Variants in STXBP5 observed in about 807,000 individuals in gnomAD.
STXBP5 encodes syntaxin binding protein 5, also known as syntaxin-binding protein 5.
Under a neutral mutation model 152.4 loss-of-function variants are expected in STXBP5, and 50 were observed. The observed-to-expected ratio is 0.33, with a 90% CI of 0.26 to 0.42. The LOEUF (loss-of-function observed/expected upper bound fraction) is 0.42, where lower values mean the gene tolerates loss of function less well. Among genes scored for constraint, STXBP5 ranks in the 10% least tolerant of loss-of-function variants. The probability of loss-of-function intolerance (pLI) is 1.00; values close to 1 mark genes in which losing one functional copy is unlikely to be tolerated. For missense variants in STXBP5, 1,167 were observed against 1,388.6 expected, an observed-to-expected ratio of 0.84 and a Z score of 2.54; for synonymous variants, 492 against 494.7, an observed-to-expected ratio of 0.99 and a Z score of 0.07.
chr6:147,287,727 A>G (rs1454988814), intron 8 of STXBP5, among the ~76,000 whole-genome samples: 1 of 152,212 alleles, frequency 6.6e-6, no homozygotes, highest in Non-Finnish European at 1.5e-5. Context: ...ATTATGCTGC[A>G]GCTACCATCT....
At chr6:147,374,906 A>G (rs892322898) in intron 26 of STXBP5, among the ~76,000 whole-genome samples, 1 of 152,106 alleles carries the variant, frequency 6.6e-6, no homozygotes, top group Non-Finnish European at 1.5e-5. Context: ...ACCTCCCCCC[A>G]CCACACACAC....
chr6:147,207,505 A>C (rs777218308), intron 2 of STXBP5, among the ~76,000 whole-genome samples: 1 of 152,116 alleles, frequency 6.6e-6, no homozygotes, highest in African/African-American at 2.4e-5. Flanking sequence ...CAATTGTTAG[A>C]TATTTTTATT....
intron 26 of STXBP5, among the ~76,000 whole-genome samples, chr6:147,376,722 C>T (rs1055841826): frequency 6.6e-6 from 1 of 151,892 alleles, no homozygotes; most frequent in African/African-American, 2.4e-5. Context: ...GAGGCAGGAG[C>T]ATCACTTGAG....
intron 21 of STXBP5, among the ~76,000 whole-genome samples, chr6:147,352,922 T>G (rs1161389593): frequency 6.6e-6 from 1 of 152,108 alleles, no homozygotes. Flanking sequence ...CCCAGCACTT[T>G]GGGAGGCCAA....
intron 8 of STXBP5, among the ~76,000 whole-genome samples, chr6:147,286,058 T>C (rs1780945608): frequency 6.6e-6 from 1 of 152,184 alleles, no homozygotes; most frequent in African/African-American, 2.4e-5. Context: ...TCTATATAGA[T>C]TGGAATAGAG....
At chr6:147,210,995 C>G (rs935743365) in intron 2 of STXBP5, among the ~76,000 whole-genome samples, 3 of 152,082 alleles carry the variant, frequency 2.0e-5, no homozygotes, top group African/African-American at 7.2e-5. Flanking sequence ...AAGCACTGTT[C>G]TTTTCTTTGA....
Position 147,353,416 on chromosome 6 carries a change from G to T in STXBP5, c.2305+43G>T, listed in dbSNP as rs1784677445. ...TCAAAATAATTTAACTCCCTATAAT[G>T]GGAAGACAAGGAAATCAGAAAATTT... On this transcript the variant is annotated intron_variant, in intron 22 of 27. Transcript: ENST00000321680. The T allele has an allele frequency of 3.0e-6, 4 of 1,331,106 alleles. No homozygotes were observed. The East Asian group carries it at 7.8e-5, about 26-fold the overall frequency. The allele number at this position is 1,331,106 out of a possible 1,614,324, so 82.5% of individuals were successfully genotyped here.
At chr6:147,328,178 AT>A in intron 18 of STXBP5, among the ~76,000 whole-genome samples, 1 of 152,080 alleles carries the variant, frequency 6.6e-6, no homozygotes, top group Non-Finnish European at 1.5e-5. Flanking sequence ...CCCTTTTTTT[AT>A]TTCATGACAC....
In STXBP5 at chr6:147,204,500, C is replaced by T; in HGVS notation, c.-33C>T. ...CCGCCCGGGGACCCCCTGTGCCTCC[C>T]CTCCCGGGCTGCGGGGGAGCCCCTC... On this transcript the variant is annotated 5_prime_UTR_variant, in exon 1 of 28. Coordinates refer to ENST00000321680, the MANE Select transcript of STXBP5 (RefSeq NM_001127715.4). The surrounding 1 kb of genome is among the most constrained non-coding windows in gnomAD (Gnocchi z 4.3). 1 of 1,607,248 alleles carries T rather than the reference C, an allele frequency of 6.2e-7. No individual in the cohort carries two copies. Among genetic ancestry groups the T allele is most frequent in the South Asian group, 1.1e-5 (1 of 90,450 alleles).
chr6:147,207,812 G>A (rs1362474955), intron 2 of STXBP5, among the ~76,000 whole-genome samples: 2 of 152,032 alleles, frequency 1.3e-5, no homozygotes, highest in Non-Finnish European at 1.5e-5. Context: ...GTGTGGTCTC[G>A]ACATTCTTTT....
intron 8 of STXBP5, among the ~76,000 whole-genome samples, chr6:147,281,166 C>T (rs747350192): frequency 2.6e-5 from 4 of 152,182 alleles, no homozygotes; most frequent in Non-Finnish European, 5.9e-5. Context: ...AAGCGATTCT[C>T]CTGCACTAGC....
intron 27 of STXBP5, 43 bp from the exon 28 acceptor site, chr6:147,384,671 C>G (rs1366719378): frequency 6.4e-7 from 1 of 1,568,484 alleles, no homozygotes; most frequent in African/African-American, 1.4e-5. Context: ...TGTTATTGTT[C>G]CGGCATTTTA....
At chr6:147,288,711 T>A (rs1781120945) in intron 8 of STXBP5, among the ~76,000 whole-genome samples, 1 of 151,976 alleles carries the variant, frequency 6.6e-6, no homozygotes. Context: ...AGAATTCAAC[T>A]GAGGAGCATA....
chr6:147,305,629 A>G (rs775846831), intron 9 of STXBP5, among the ~76,000 whole-genome samples: 15 of 152,206 alleles, frequency 9.9e-5, no homozygotes, highest in Non-Finnish European at 1.6e-4. Flanking sequence ...GTGAATTTCT[A>G]TTAGACTTTT....
intron 26 of STXBP5, among the ~76,000 whole-genome samples, chr6:147,382,075 T>C (rs1269704457): frequency 6.6e-6 from 1 of 152,108 alleles, no homozygotes; most frequent in African/African-American, 2.4e-5. Context: ...AAATGTAAGC[T>C]GAGGAACCAG....
chr6:147,206,395 A>G (rs145131902), intron 2 of STXBP5, among the ~76,000 whole-genome samples: 1 of 152,228 alleles, frequency 6.6e-6, no homozygotes, highest in Non-Finnish European at 1.5e-5. Context: ...TGAATGAGGT[A>G]TGTTAAGGAT....
chr6:147,328,019 C>G (rs190805895), intron 18 of STXBP5, among the ~76,000 whole-genome samples: 385 of 152,234 alleles, frequency 2.5e-3, no homozygotes, highest in African/African-American at 9.0e-3. Context: ...TCTTAGATAG[C>G]TTTGATTAAA....
intron 6 of STXBP5, among the ~76,000 whole-genome samples, chr6:147,264,909 G>A (rs1293560948): frequency 6.6e-6 from 1 of 151,650 alleles, no homozygotes; most frequent in African/African-American, 2.4e-5. Context: ...AGAGGTTAAA[G>A]TTTAACCCTC....
At chr6:147,345,260 A>G (rs1463823900) in intron 21 of STXBP5, among the ~76,000 whole-genome samples, 1 of 152,182 alleles carries the variant, frequency 6.6e-6, no homozygotes, top group Non-Finnish European at 1.5e-5. Flanking sequence ...ACAGACATAT[A>G]TAGAGCGTTT....
Sources: allele counts gnomAD v4.1 joint callset (sites outside exome capture counted in the v4.1 genomes callset), GRCh38; gene constraint gnomAD v4.1.1; non-coding constraint Gnocchi (gnomAD v3.1); transcripts MANE v1.5; gene names NCBI Gene and HGNC (gene_info 2026-07-23, HGNC 2026-07-21).